Variants in CFAP90 observed in about 807,000 individuals in gnomAD.
CFAP90 encodes the protein cilia and flagella associated protein 90.
the CFAP90 span, chr5:7,831,758 AGGG>A: frequency 8.0e-7 from 1 of 1,255,682 alleles, no homozygotes; most frequent in Non-Finnish European, 1.1e-6. Flanking sequence ...CGTCATGAGA[AGGG>A]GAAAGGAGGC....
At chr5:7,844,396 T>G in the CFAP90 span, among the ~76,000 whole-genome samples, 1 of 152,220 alleles carries the variant, frequency 6.6e-6, no homozygotes, top group Admixed American at 6.5e-5. Flanking sequence ...GTTTTAAAAA[T>G]TGGCTTTCCG....
chr5:7,831,789 C>A, the CFAP90 span: 1 of 1,517,298 alleles, frequency 6.6e-7, no homozygotes, highest in South Asian at 1.2e-5. Flanking sequence ...GCCACCTTCT[C>A]GCTGTGCAAA....
chr5:7,832,117 G>A, the CFAP90 span: 14 of 1,359,414 alleles, frequency 1.0e-5, no homozygotes, highest in Non-Finnish European at 1.4e-5. Context: ...GGTCCTGGGA[G>A]CTTTTTCTGC....
chr5:7,831,681 G>A, the CFAP90 span: 1 of 595,108 alleles, frequency 1.7e-6, no homozygotes, highest in Non-Finnish European at 2.9e-6. Flanking sequence ...GCAACCTGAG[G>A]GGGGCTGCTA....
chr5:7,832,788 C>T, the CFAP90 span, among the ~76,000 whole-genome samples: 2 of 152,142 alleles, frequency 1.3e-5, no homozygotes, highest in Non-Finnish European at 2.9e-5. Flanking sequence ...ACACCCAGCC[C>T]ATGATTTCTT....
chr5:7,831,815 G>C, the CFAP90 span: 1 of 1,582,114 alleles, frequency 6.3e-7, no homozygotes, highest in South Asian at 1.1e-5. Context: ...CAGGCCACAG[G>C]GTATCGGACA....
the CFAP90 span, among the ~76,000 whole-genome samples, chr5:7,846,980 C>A: frequency 6.6e-6 from 1 of 152,132 alleles, no homozygotes. Context: ...AACTCCTGAT[C>A]TCAAGTGATC....
chr5:7,838,875 T>C, the CFAP90 span, among the ~76,000 whole-genome samples: 3 of 152,194 alleles, frequency 2.0e-5, no homozygotes, highest in Non-Finnish European at 2.9e-5. Flanking sequence ...TGTTGTCTGG[T>C]GGCCCCTCAA....
chr5:7,832,513 T>C, the CFAP90 span, among the ~76,000 whole-genome samples: 38 of 152,192 alleles, frequency 2.5e-4, no homozygotes, highest in Admixed American at 2.5e-3. Flanking sequence ...TTTTTTTCTT[T>C]TCTTTTGAGA....
chr5:7,831,843 G>A, the CFAP90 span: 53 of 1,603,484 alleles, frequency 3.3e-5, no homozygotes, highest in Non-Finnish European at 4.4e-5. Context: ...TGGGCCACGG[G>A]GATGCTTCAG....
chr5:7,838,560 C>T, the CFAP90 span, among the ~76,000 whole-genome samples: 1 of 152,176 alleles, frequency 6.6e-6, no homozygotes, highest in Non-Finnish European at 1.5e-5. Context: ...CCAGACCTTT[C>T]CTTTGAGATT....
chr5:7,843,581 T>C, the CFAP90 span, among the ~76,000 whole-genome samples: 1 of 152,180 alleles, frequency 6.6e-6, no homozygotes, highest in Non-Finnish European at 1.5e-5. Context: ...TTGTCACCAG[T>C]TGGAAACTTG....
At chr5:7,848,002 G>A in the CFAP90 span, among the ~76,000 whole-genome samples, 2 of 152,134 alleles carry the variant, frequency 1.3e-5, no homozygotes, top group Admixed American at 1.3e-4. Flanking sequence ...CATAGAACAA[G>A]TTAACACAAA....
the CFAP90 span, among the ~76,000 whole-genome samples, chr5:7,834,024 T>A: frequency 1.3e-5 from 2 of 152,234 alleles, no homozygotes. Context: ...ATGTATTTAT[T>A]ATATTTTTTA....
chr5:7,840,947 G>A, the CFAP90 span, among the ~76,000 whole-genome samples: 1 of 152,106 alleles, frequency 6.6e-6, no homozygotes, highest in Non-Finnish European at 1.5e-5. Context: ...ACAGCCCCTA[G>A]AAGGAACCAA....
At chr5:7,835,438 A>G in the CFAP90 span, 17 of 1,608,080 alleles carry the variant, frequency 1.1e-5, no homozygotes, top group East Asian at 3.8e-4. Flanking sequence ...TCTCGGTGCA[A>G]CTTCTGATCA....
At chr5:7,839,204 T>C in the CFAP90 span, among the ~76,000 whole-genome samples, 1 of 152,172 alleles carries the variant, frequency 6.6e-6, no homozygotes, top group Admixed American at 6.5e-5. Flanking sequence ...TCAATCACCT[T>C]GTACTGGGTT....
At chr5:7,830,847 T>C in the CFAP90 span, 1 of 152,246 alleles carries the variant, frequency 6.6e-6, no homozygotes, top group Admixed American at 6.5e-5. Flanking sequence ...GATACTTTAA[T>C]ACTTGGGTAA....
At chr5:7,837,492 A>T in the CFAP90 span, among the ~76,000 whole-genome samples, 3 of 152,342 alleles carry the variant, frequency 2.0e-5, no homozygotes, top group Non-Finnish European at 4.4e-5. Flanking sequence ...ACAGAGGTAG[A>T]AGTAGGCAGT....
Sources: gnomAD v4.1 joint callset for allele counts (sites outside exome capture counted in the v4.1 genomes callset) on GRCh38, gnomAD v4.1.1 for gene constraint, MANE v1.5 for transcripts, NCBI Gene and HGNC (gene_info 2026-07-23, HGNC 2026-07-21) for gene names.